The following HDAC9 variants were observed in gnomAD, a reference collection of about 807,000 sequenced individuals.
HDAC9 encodes histone deacetylase 9, also known as MEF-2 interacting transcription repressor (MITR) protein.
In HDAC9, 41 loss-of-function variants were observed where a neutral mutation model predicts 139.4. The ratio of observed to expected loss-of-function variants is 0.29; its 90% CI spans 0.23 to 0.38. The LOEUF (loss-of-function observed/expected upper bound fraction) is 0.38, where lower values mean the gene tolerates loss of function less well. HDAC9 is among the 10% of genes least tolerant of loss of function. HDAC9 has a pLI of 1.00. For synonymous variants in HDAC9, 517 were observed against 476.2 expected (o/e 1.09, Z -1.12); for missense variants, 1,147 against 1,297.0 (o/e 0.88, Z 1.78).
intron 1 of HDAC9, among the ~76,000 whole-genome samples, chr7:18,402,796 C>G (rs1439721033): frequency 6.6e-6 from 1 of 152,100 alleles, no homozygotes; most frequent in South Asian, 2.1e-4. Flanking sequence ...TCTTTACTGG[C>G]TAGGCACCTC....
intron 1 of HDAC9, among the ~76,000 whole-genome samples, chr7:18,358,915 G>A (rs1280953627): frequency 6.6e-6 from 1 of 152,198 alleles, no homozygotes; most frequent in African/African-American, 2.4e-5. Context: ...CACATAGTCA[G>A]TAGTATTCAA....
intron 22 of HDAC9, among the ~76,000 whole-genome samples, chr7:18,927,534 G>A (rs1804345864): frequency 6.6e-6 from 1 of 152,122 alleles, no homozygotes; most frequent in African/African-American, 2.4e-5. Flanking sequence ...GCATTCTTCA[G>A]TAATACTTTT....
intron 2 of HDAC9, among the ~76,000 whole-genome samples, chr7:18,252,901 C>T (rs543116493): frequency 3.3e-5 from 5 of 152,234 alleles, no homozygotes; most frequent in South Asian, 2.1e-4. Flanking sequence ...GCTATTTCTT[C>T]GTGACCGTCT....
chr7:18,126,092 CACTT>C (rs1432191497), intron 1 of HDAC9, among the ~76,000 whole-genome samples: 1 of 152,116 alleles, frequency 6.6e-6, no homozygotes, highest in Non-Finnish European at 1.5e-5. Context: ...CTACTCTAAA[CACTT>C]ACAAAGGGGA....
At chr7:18,398,095 A>G (rs1486440468) in intron 1 of HDAC9, among the ~76,000 whole-genome samples, 1 of 152,208 alleles carries the variant, frequency 6.6e-6, no homozygotes, top group African/African-American at 2.4e-5. Flanking sequence ...TTTGTATTAC[A>G]GGGTGTTATG....
intron 24 of HDAC9, among the ~76,000 whole-genome samples, chr7:18,967,608 A>C (rs1783958993): frequency 1.3e-5 from 2 of 151,930 alleles, no homozygotes. Flanking sequence ...ATTGATATAC[A>C]AATCTAAAGT....
At chr7:18,224,982 G>A (rs576353604) in intron 2 of HDAC9, among the ~76,000 whole-genome samples, 11 of 152,018 alleles carry the variant, frequency 7.2e-5, no homozygotes, top group Admixed American at 5.2e-4. Context: ...GATGATGGAA[G>A]TTTAGTAAAA....
intron 2 of HDAC9, among the ~76,000 whole-genome samples, chr7:18,235,104 G>A (rs767624354): frequency 7.9e-5 from 12 of 152,064 alleles, no homozygotes; most frequent in Non-Finnish European, 1.6e-4. Context: ...CTAGATGATT[G>A]TTATCCCATT....
chr7:18,103,422 C>G (rs1290846014), intron 1 of HDAC9, among the ~76,000 whole-genome samples: 1 of 152,110 alleles, frequency 6.6e-6, no homozygotes, highest in Non-Finnish European at 1.5e-5. Context: ...GGGCATCTGT[C>G]GATCCCATCA....
intron 6 of HDAC9, among the ~76,000 whole-genome samples, chr7:18,595,098 T>C (rs1340548885): frequency 6.6e-6 from 1 of 152,066 alleles, no homozygotes; most frequent in Non-Finnish European, 1.5e-5. Context: ...ATGAAGATTT[T>C]AAAATAAAAT....
intron 2 of HDAC9, among the ~76,000 whole-genome samples, chr7:18,175,515 T>A (rs957678181): frequency 7.9e-5 from 12 of 152,156 alleles, no homozygotes; most frequent in Non-Finnish European, 1.3e-4. Context: ...CAGTTGGAAA[T>A]GCAGAAATCT....
At chr7:18,780,859 T>C (rs2028012) in intron 16 of HDAC9, among the ~76,000 whole-genome samples, 124,856 of 152,008 alleles carry the variant, frequency 0.82, 51,945 homozygotes, top group African/African-American at 0.88. Flanking sequence ...ACTAGCCCAT[T>C]GTGTTCTAAA....
intron 12 of HDAC9, among the ~76,000 whole-genome samples, chr7:18,693,690 G>A (rs1782831137): frequency 6.6e-6 from 1 of 152,048 alleles, no homozygotes; most frequent in African/African-American, 2.4e-5. Context: ...TGTCTTAGTC[G>A]AAATAACCTC....
At chr7:18,240,248 G>A (rs1037412163) in intron 2 of HDAC9, among the ~76,000 whole-genome samples, 3 of 152,030 alleles carry the variant, frequency 2.0e-5, no homozygotes, top group African/African-American at 7.2e-5. Context: ...ATTGATGAAG[G>A]CCTTAATCAA....
rs937397271 is a variant in HDAC9 at position 18,629,332 on chromosome 7, T to G, written c.665-18T>G. The G allele has an allele frequency of 2.1e-5, 32 of 1,522,594 alleles. No homozygotes were observed. Among genetic ancestry groups the G allele is most frequent in the Non-Finnish European group, 2.7e-5 (31 of 1,138,548 alleles). The allele number at this position is 1,522,594 out of a possible 1,614,324, so 94.3% of individuals were successfully genotyped here. ...TTTTAATTTTTATCTATTTTTTTTT[T>G]TTTGTCTCAATCCCCAGCCTCTGAG... On this transcript the variant is annotated intron_variant, in intron 6 of 25. Transcript: ENST00000686413.
chr7:18,221,878 C>T (rs1792732099), intron 2 of HDAC9, among the ~76,000 whole-genome samples: 1 of 152,128 alleles, frequency 6.6e-6, no homozygotes, highest in Admixed American at 6.6e-5. Flanking sequence ...TTTAAAGATA[C>T]AGTTACAGCT....
chr7:18,530,327 G>A (rs1046573253), intron 2 of HDAC9, among the ~76,000 whole-genome samples: 11 of 152,016 alleles, frequency 7.2e-5, no homozygotes, highest in African/African-American at 2.4e-4. Flanking sequence ...AAACAATGTC[G>A]TTAACACTTT....
intron 6 of HDAC9, among the ~76,000 whole-genome samples, chr7:18,626,032 G>A (rs1046472777): frequency 3.3e-5 from 5 of 151,596 alleles, no homozygotes; most frequent in Admixed American, 2.0e-4. Flanking sequence ...TGCAGCGTGG[G>A]TCATAGACTT....
intron 1 of HDAC9, among the ~76,000 whole-genome samples, chr7:18,130,890 T>G (rs1784958779): frequency 6.6e-6 from 1 of 151,952 alleles, no homozygotes; most frequent in East Asian, 2.0e-4. Context: ...TTATTTCTCT[T>G]TTTGTTTCCC....
Sources: allele counts gnomAD v4.1 joint callset (sites outside exome capture counted in the v4.1 genomes callset), GRCh38; gene constraint gnomAD v4.1.1; transcripts MANE v1.5; gene names NCBI Gene and HGNC (gene_info 2026-07-23, HGNC 2026-07-21).